Variants in ZNF774 observed in about 807,000 individuals in gnomAD.
The protein encoded by ZNF774 is zinc finger protein 774.
ZNF774 carries 14 observed loss-of-function variants against 11.1 expected under a neutral mutation model. The observed-to-expected ratio is 1.26, with a 90% CI of 0.83 to 1.97. The LOEUF (loss-of-function observed/expected upper bound fraction) is 1.97, where lower values mean the gene tolerates loss of function less well. Among genes scored for constraint, ZNF774 ranks in the 30% most tolerant of loss-of-function variants. The pLI is 0.00. For missense variants in ZNF774, 599 were observed against 587.0 expected (o/e 1.02, Z -0.21); for synonymous variants, 195 against 212.6 (o/e 0.92, Z 0.72).
chr15:90,354,176 C>A (rs1231059117), intron 1 of ZNF774, among the ~76,000 whole-genome samples: 1 of 151,830 alleles, frequency 6.6e-6, no homozygotes, highest in South Asian at 2.1e-4. Context: ...TATAATCTGT[C>A]CCTTGAGGTT....
Position 90,358,930 on chromosome 15 carries a change from A to G in ZNF774, c.184A>G (p.Arg62Gly), listed in dbSNP as rs777188183. 89 of 1,613,738 alleles carry G rather than the reference A, an allele frequency of 5.5e-5. No individual in the cohort carries two copies. In the South Asian group the frequency reaches 9.2e-4, roughly 17 times the overall value. ...WVLPLQNFEA[R>G]KIPRESHTDC... ...CCTACCACTCCAAAACTTTGAGGCG[A>G]GGAAGATCCCGAGGGAAAGCCACAC... Residue 62 changes from arginine (R) to glycine (G), a missense_variant, in exon 3 of 4, where the codon AGG becomes GGG. Coordinates refer to ENST00000354377, the MANE Select transcript of ZNF774 (RefSeq NM_001004309.3).
chr15:90,352,869 C>T (rs910162853), intron 1 of ZNF774, among the ~76,000 whole-genome samples: 22 of 152,234 alleles, frequency 1.4e-4, no homozygotes, highest in Admixed American at 4.6e-4. Flanking sequence ...GTTTCTATAA[C>T]CGTGGCTAAG....
chr15:90,359,010 T>G, intron 3 of ZNF774, 53 bp downstream of exon 3: 1 of 1,436,944 alleles, frequency 7.0e-7, no homozygotes, highest in Non-Finnish European at 9.7e-7. Context: ...CAGCCTTGTT[T>G]AGATGAAGAA....
At chr15:90,359,289 G>A (rs8030289) in intron 3 of ZNF774, among the ~76,000 whole-genome samples, 1 of 149,410 alleles carries the variant, frequency 6.7e-6, no homozygotes, top group Non-Finnish European at 1.5e-5. Context: ...AGCCAGGATG[G>A]TCTCGATCTC....
intron 2 of ZNF774, among the ~76,000 whole-genome samples, chr15:90,356,662 T>C (rs1449483077): frequency 1.3e-5 from 2 of 152,260 alleles, no homozygotes; most frequent in East Asian, 1.9e-4. Flanking sequence ...ATATTGGGAT[T>C]ATGCTGTATA....
In ZNF774 at chr15:90,360,112, C is replaced by T; in HGVS notation, c.281C>T (p.Ser94Leu). 6.2e-7 allele frequency: 1 copy of T among 1,614,164 alleles called. No homozygotes were observed. The highest frequency in any genetic ancestry group is 8.5e-7 in the Non-Finnish European group (1 of 1,180,036). ...ACAGCAGAACAATGTGGAACATCCTCAGAAAGGACCAATAAAGATCTTTCT... is the reference window on the plus strand; with the variant it reads ...ACAGCAGAACAATGTGGAACATCCTTAGAAAGGACCAATAAAGATCTTTCT... ...SETAEQCGTSSERTNKDLSHT... is the reference protein window; with the variant it reads ...SETAEQCGTSLERTNKDLSHT... The change falls in exon 4 of 4, where the codon TCA becomes TTA. Residue 94 changes from serine (S) to leucine (L), a missense_variant. By Grantham distance (145) the Ser-to-Leu change is moderately radical. Coordinates refer to ENST00000354377, the MANE Select transcript of ZNF774 (RefSeq NM_001004309.3).
rs749329224 is a variant in ZNF774, at chr15:90,360,549, T to A, written c.718T>A (p.Cys240Ser). 6.2e-7 allele frequency: 1 copy of A among 1,613,512 alleles called. No homozygotes were observed. Among genetic ancestry groups the A allele is most frequent in the African/African-American group, 1.3e-5 (1 of 74,694 alleles). The part of the protein sequence containing the change: ...TGERPYECPE[C>S]GKTFGRKPHL... ...GGAGAGACCCTATGAGTGCCCAGAG[T>A]GTGGAAAGACTTTTGGGCGGAAGCC... The change falls in exon 4 of 4, where the codon TGT becomes AGT. Residue 240 changes from cysteine to serine, a missense_variant. By Grantham distance (112) the Cys-to-Ser change is moderately radical. Coordinates refer to ENST00000354377, the MANE Select transcript of ZNF774 (RefSeq NM_001004309.3).
At chr15:90,355,327 T>G (rs1487479614) in intron 2 of ZNF774, 1 of 456,108 alleles carries the variant, frequency 2.2e-6, no homozygotes, top group Non-Finnish European at 4.4e-6. Context: ...TTTTGACTTA[T>G]GTATTACTAT....
Position 90,358,938 on chromosome 15 carries a change from C to T in ZNF774, c.192C>T (p.Ile64=). ...TCCAAAACTTTGAGGCGAGGAAGAT[C>T]CCGAGGGAAAGCCACACAGGTGAGA... ...LPLQNFEARK[I]PRESHTDCEH... The change falls in exon 3 of 4, where the codon ATC becomes ATT. Residue 64 remains isoleucine, a synonymous_variant. Coordinates refer to ENST00000354377, the MANE Select transcript of ZNF774 (RefSeq NM_001004309.3). The T allele has an allele frequency of 1.2e-6, 2 of 1,613,680 alleles. No individual in the cohort carries two copies. The highest frequency in any genetic ancestry group is 2.2e-5 in the South Asian group (2 of 91,072).
intron 2 of ZNF774, among the ~76,000 whole-genome samples, chr15:90,358,404 A>G (rs1762125998): frequency 6.6e-6 from 1 of 152,248 alleles, no homozygotes; most frequent in African/African-American, 2.4e-5. Context: ...GTATATTTAC[A>G]GGCTACTTAA....
Position 90,362,820 on chromosome 15 carries a change from G to A in ZNF774, c.*1537G>A. Reference sequence around the variant, plus strand: ...TTAACTATAAATGTAATATCTCTATGTTATAATTCTGTTGCTAATGTCTTT... The same window carrying A: ...TTAACTATAAATGTAATATCTCTATATTATAATTCTGTTGCTAATGTCTTT... On this transcript the variant is annotated 3_prime_UTR_variant, in exon 4 of 4. Coordinates refer to ENST00000354377, the MANE Select transcript of ZNF774 (RefSeq NM_001004309.3). 2.5e-6 allele frequency: 1 copy of A among 406,492 alleles called. No homozygotes were observed. The highest frequency in any genetic ancestry group is 4.4e-6 in the Non-Finnish European group (1 of 228,246). 25.2% of individuals were successfully genotyped at this position (406,492 alleles called of 1,614,324 possible). A position where few individuals can be genotyped will look rare whatever the true frequency, so the allele number is the denominator to read the frequency against.
At chr15:90,358,020 C>T (rs536580594) in intron 2 of ZNF774, among the ~76,000 whole-genome samples, 5 of 152,092 alleles carry the variant, frequency 3.3e-5, no homozygotes, top group East Asian at 3.9e-4. Flanking sequence ...CTCAGCCTCC[C>T]GAGTAACTGG....
chr15:90,356,187 CG>C (rs1964247498), intron 2 of ZNF774, among the ~76,000 whole-genome samples: 1 of 148,316 alleles, frequency 6.7e-6, no homozygotes, highest in South Asian at 2.1e-4. Context: ...GGCATGATCT[CG>C]GCTCACTGCA....
Position 90,360,461 on chromosome 15 carries a change from G to A in ZNF774, c.630G>A (p.Lys210=). 6.2e-7 allele frequency: 1 copy of A among 1,613,698 alleles called. No individual in the cohort carries two copies. Among genetic ancestry groups the A allele is most frequent in the East Asian group, 2.2e-5 (1 of 44,870 alleles). ...THTGEKPYQC[K]GCEKKFSDSS... is the part of the protein sequence containing the mutation. Reference sequence around the variant, plus strand: ...CAGGAGAGAAGCCCTACCAATGCAAGGGGTGTGAGAAGAAATTCAGCGACA... The same window carrying A: ...CAGGAGAGAAGCCCTACCAATGCAAAGGGTGTGAGAAGAAATTCAGCGACA... The change falls in exon 4 of 4, where the codon AAG becomes AAA. Residue 210 remains lysine (K), a synonymous_variant. Transcript: ENST00000354377.
intron 2 of ZNF774, among the ~76,000 whole-genome samples, chr15:90,356,153 G>C (rs1201642609): frequency 1.4e-5 from 2 of 141,300 alleles, no homozygotes; most frequent in East Asian, 4.1e-4. Flanking sequence ...GAGTCTCGCT[G>C]TGTCGCCCAG....
chr15:90,358,704 C>A (rs557240808), intron 2 of ZNF774, 147 bp from the exon 3 acceptor site: 104 of 517,302 alleles, frequency 2.0e-4, no homozygotes, highest in South Asian at 9.0e-4. Context: ...ATCACTGTAC[C>A]ATGGCTGCAC....
rs1365850102 is a variant in ZNF774 at position 90,354,699 on chromosome 15, A to G, written c.39A>G (p.Gly13=). The change falls in exon 2 of 4, where the codon GGA becomes GGG. Residue 13 remains glycine, a synonymous_variant. Transcript: ENST00000354377. The part of the protein sequence containing the change: ...LGTSGKSGLP[G]HCLENPLQEC... The stretch of plus-strand genomic sequence containing the variant: ...CTTCAGGGAAGAGTGGGTTACCTGG[A>G]CACTGCTTAGAGAATCCTCTCCAGG... 5.0e-6 allele frequency: 8 copies of G among 1,612,008 alleles called. No individual in the cohort carries two copies. The highest frequency in any genetic ancestry group is 6.8e-6 in the Non-Finnish European group (8 of 1,179,252).
Position 90,362,725 on chromosome 15 carries a change from AGGTTG to A in ZNF774, c.*1443_*1447del. 1 of 685,528 alleles carries A rather than the reference AGGTTG, an allele frequency of 1.5e-6. No homozygotes were observed. 42.5% of individuals were successfully genotyped at this position (685,528 alleles called of 1,614,324 possible). ...AGCCTCAAGTTTTACCTACCTCACA[AGGTTG>A]TTGTGAGGATCTAAAAATACACACA... is the stretch of plus-strand genomic sequence containing the variant. On this transcript the variant is annotated 3_prime_UTR_variant, in exon 4 of 4. Transcript: ENST00000354377.
intron 2 of ZNF774, among the ~76,000 whole-genome samples, chr15:90,355,014 T>C (rs2151680887): frequency 6.6e-6 from 1 of 152,310 alleles, no homozygotes; most frequent in African/African-American, 2.4e-5. Flanking sequence ...AAGGCTGGTC[T>C]CACTATGCTG....
Sources: gnomAD v4.1 joint callset for allele counts (sites outside exome capture counted in the v4.1 genomes callset) on GRCh38, gnomAD v4.1.1 for gene constraint, MANE v1.5 for transcripts, NCBI Gene and HGNC (gene_info 2026-07-23, HGNC 2026-07-21) for gene names.